MBP: variants seen among roughly 807,000 people sequenced by gnomAD.
MBP encodes the protein Golli-MBP.
MBP carries 16 observed loss-of-function variants against 35.8 expected under a neutral mutation model. The ratio of observed to expected loss-of-function variants is 0.45; its 90% CI spans 0.30 to 0.68. The LOEUF (loss-of-function observed/expected upper bound fraction) is 0.68, where lower values mean the gene tolerates loss of function less well. Among genes scored for constraint, MBP ranks in the 30% least tolerant of loss-of-function variants. The probability of loss-of-function intolerance (pLI) is 0.08; values close to 1 mark genes in which losing one functional copy is unlikely to be tolerated. For synonymous variants in MBP, 143 were observed against 159.6 expected, an observed-to-expected ratio of 0.90 and a Z score of 0.78; for missense variants, 380 against 404.7, an observed-to-expected ratio of 0.94 and a Z score of 0.52.
chr18:77,091,847 CCATA>C (rs1465417433), intron 2 of MBP, among the ~76,000 whole-genome samples: 3 of 152,020 alleles, frequency 2.0e-5, no homozygotes, highest in Non-Finnish European at 2.9e-5. Context: ...CACCACACAC[CCATA>C]CATACATGTA....
intron 3 of MBP, among the ~76,000 whole-genome samples, chr18:77,031,321 ATGCCCGCCCTGC>A (rs1283814457): frequency 6.6e-6 from 1 of 152,192 alleles, no homozygotes; most frequent in Non-Finnish European, 1.5e-5. Context: ...GGCTGTGAGC[ATGCCCGCCCTGC>A]TGCCCACCCT....
chr18:77,127,525 A>G (rs1367067966), intron 1 of MBP: 1 of 152,216 alleles, frequency 6.6e-6, no homozygotes, highest in Non-Finnish European at 1.5e-5. Context: ...CAAAATCCAA[A>G]AAAGGTAAAA....
chr18:77,120,145 G>C (rs1314747149), intron 1 of MBP, among the ~76,000 whole-genome samples: 1 of 152,248 alleles, frequency 6.6e-6, no homozygotes, highest in Admixed American at 6.5e-5. Context: ...TAAAGGGTTC[G>C]CTCTCGCTTG....
chr18:77,036,708 A>G (rs1333052059), intron 3 of MBP, among the ~76,000 whole-genome samples: 4 of 139,522 alleles, frequency 2.9e-5, no homozygotes, highest in African/African-American at 5.4e-5. Context: ...TGCTGGTCAC[A>G]TTTTGGAGGA....
At position 77,057,858 on chromosome 18, in the gene MBP, GCT is replaced by G. The variant is rs1392699077; in HGVS notation, c.139+8438_139+8439del. The stretch of plus-strand genomic sequence containing the variant: ...TTTTTTTTTTTTGAGACGGAGTCTC[GCT>G]CTGTTGCCCAGGCTGGAGTGCAGTG... On this transcript the variant is annotated intron_variant, in intron 3 of 8. Transcript: ENST00000355994. Among the ~76,000 whole-genome samples, 2 of 3,336 alleles carry G rather than the reference GCT, an allele frequency of 6.0e-4. 1 individual carries two copies. Among genetic ancestry groups the G allele is most frequent in the Non-Finnish European group, 7.8e-4 (2 of 2,576 alleles). 2.2% of individuals were successfully genotyped at this position (3,336 alleles called of 152,430 possible). A position where few individuals can be genotyped will look rare whatever the true frequency, so the allele number is the denominator to read the frequency against.
At chr18:77,094,900 T>C (rs935968895) in intron 2 of MBP, among the ~76,000 whole-genome samples, 6 of 152,178 alleles carry the variant, frequency 3.9e-5, no homozygotes, top group African/African-American at 1.2e-4. Context: ...GTGGGCCACA[T>C]GTGTCTAGAG....
At chr18:77,058,405 C>A (rs1568317563) in intron 3 of MBP, among the ~76,000 whole-genome samples, 1 of 152,174 alleles carries the variant, frequency 6.6e-6, no homozygotes, top group Non-Finnish European at 1.5e-5. Context: ...CCGGCCGGAC[C>A]CAGCCAACGC....
In MBP at chr18:77,098,168, C is replaced by CTTTTTT. The variant is rs3214873; in HGVS notation, c.51+7037_51+7042dup. 5.1e-3 allele frequency among the ~76,000 whole-genome samples: 555 copies of CTTTTTT among 108,490 alleles called. 11 individuals are homozygous for CTTTTTT. Among genetic ancestry groups the CTTTTTT allele is most frequent in the African/African-American group, 0.013 (392 of 29,322 alleles). The allele number at this position is 108,490 out of a possible 152,430, so 71.2% of individuals were successfully genotyped here. On this transcript the variant is annotated intron_variant, in intron 2 of 8. Coordinates refer to ENST00000355994, the MANE Select transcript of MBP (RefSeq NM_001025101.2). Reference sequence around the variant, plus strand: ...TTCTGAGGACAGACACAAGGACTTCCTTTTTTTTTTTTTTTTTTTTTACAA... The same window carrying CTTTTTT: ...TTCTGAGGACAGACACAAGGACTTCCTTTTTTTTTTTTTTTTTTTTTTTTTTTACAA...
rs1269887378 is a variant in MBP, at chr18:77,057,950, C to G, written c.139+8348G>C. ...CACGCCATTCTCCTGCCTCAGCCTC[C>G]CGAGTAGCTGGGACTACAGGCGCCC... On this transcript the variant is annotated intron_variant, in intron 3 of 8. Transcript: ENST00000355994. Among the ~76,000 whole-genome samples the G allele has an allele frequency of 2.4e-4, 14 of 57,632 alleles. 2 individuals are homozygous for G. The allele number at this position is 57,632 out of a possible 152,430, so 37.8% of individuals were successfully genotyped here.
chr18:77,007,948 A>G (rs1240868437), intron 4 of MBP, among the ~76,000 whole-genome samples: 1 of 152,188 alleles, frequency 6.6e-6, no homozygotes, highest in African/African-American at 2.4e-5. Flanking sequence ...AAGAGGAATG[A>G]AGCATTCTGT....
At chr18:77,098,322 A>G (rs567866799) in intron 2 of MBP, among the ~76,000 whole-genome samples, 1 of 152,178 alleles carries the variant, frequency 6.6e-6, no homozygotes, top group African/African-American at 2.4e-5. Context: ...TTACCATCTT[A>G]AGTAAGCACA....
chr18:77,106,973 T>G (rs997921013), intron 1 of MBP, among the ~76,000 whole-genome samples: 6 of 152,190 alleles, frequency 3.9e-5, no homozygotes, highest in Non-Finnish European at 7.3e-5. Flanking sequence ...AAATTCACTG[T>G]GTCCTTTTAG....
intron 2 of MBP, among the ~76,000 whole-genome samples, chr18:77,099,384 G>A (rs72973206): frequency 0.2 from 29,604 of 145,364 alleles, 3,271 homozygotes; most frequent in Middle Eastern, 0.32. Context: ...ATCCTAGAGT[G>A]TGAGGACTTC....
chr18:77,123,265 C>T (rs566283258), intron 1 of MBP, among the ~76,000 whole-genome samples: 4 of 152,284 alleles, frequency 2.6e-5, no homozygotes, highest in South Asian at 4.1e-4. Flanking sequence ...TATCCATAAA[C>T]GTTCCTCATC....
chr18:77,003,015 C>G (rs1970721372), intron 4 of MBP: 1 of 152,172 alleles, frequency 6.6e-6, no homozygotes, highest in Non-Finnish European at 1.5e-5. Context: ...ATGAGGGAAG[C>G]TTCAATTGCT....
chr18:77,000,880 C>T (rs1970593457), intron 4 of MBP, among the ~76,000 whole-genome samples: 1 of 152,160 alleles, frequency 6.6e-6, no homozygotes, highest in Admixed American at 6.5e-5. Flanking sequence ...ATCATTTCCA[C>T]TCGGATTTTA....
At chr18:77,115,577 C>T (rs996840171) in intron 1 of MBP, 7 of 152,232 alleles carry the variant, frequency 4.6e-5, no homozygotes, top group African/African-American at 1.2e-4. Flanking sequence ...CAGACCCCAC[C>T]GTGGTCTCAA....
chr18:77,063,668 C>T (rs766843416), intron 3 of MBP, among the ~76,000 whole-genome samples: 4 of 152,146 alleles, frequency 2.6e-5, no homozygotes, highest in Non-Finnish European at 5.9e-5. Context: ...ACACAACCCA[C>T]GTTTGTGAAA....
At chr18:77,082,985 T>C (rs1203528379) in intron 2 of MBP, among the ~76,000 whole-genome samples, 1 of 151,982 alleles carries the variant, frequency 6.6e-6, no homozygotes, top group Non-Finnish European at 1.5e-5. Context: ...GTATTTTTTT[T>C]TTTTCTTGAG....
Sources: allele counts gnomAD v4.1 joint callset (sites outside exome capture counted in the v4.1 genomes callset), GRCh38; gene constraint gnomAD v4.1.1; transcripts MANE v1.5; gene names NCBI Gene and HGNC (gene_info 2026-07-23, HGNC 2026-07-21).